SH2D4A: variants seen among roughly 807,000 people sequenced by gnomAD.
The protein encoded by SH2D4A is SH2 domain containing 4A, also known as SH2 domain-containing protein 4A.
A neutral mutation model predicts 64.7 loss-of-function variants in SH2D4A; 70 were observed. That is an observed-to-expected ratio of 1.08 (90% CI 0.89 to 1.32). SH2D4A has a LOEUF of 1.32. Among genes scored for constraint, SH2D4A ranks in the 40% most tolerant of loss-of-function variants. The pLI is 0.00. For missense variants in SH2D4A, 706 were observed against 540.1 expected, an observed-to-expected ratio of 1.31 and a Z score of -3.04; for synonymous variants, 268 against 200.7, an observed-to-expected ratio of 1.34 and a Z score of -2.83.
At position 19,319,597 on chromosome 8, in the gene SH2D4A, C is replaced by A; in HGVS notation, c.50C>A (p.Ala17Glu). The A allele has an allele frequency of 6.2e-7, 1 of 1,603,896 alleles. No individual in the cohort carries two copies. Among genetic ancestry groups the A allele is most frequent in the Non-Finnish European group, 8.5e-7 (1 of 1,175,890 alleles). ...SEMYIDPDLL[A>E]ELSEEQKQIL... Reference sequence around the variant, plus strand: ...ATGTACATAGATCCTGATCTACTGGCAGAGCTCAGCGAAGAACAGAAACAG... The same window carrying A: ...ATGTACATAGATCCTGATCTACTGGAAGAGCTCAGCGAAGAACAGAAACAG... The change falls in exon 2 of 10, where the codon GCA becomes GAA. Residue 17 changes from alanine (A) to glutamate (E), a missense_variant. Physicochemically the swap from Ala to Glu is moderately radical, Grantham distance 107. Transcript: ENST00000265807.
At chr8:19,329,856 C>G (rs543626158) in intron 2 of SH2D4A, among the ~76,000 whole-genome samples, 3 of 152,292 alleles carry the variant, frequency 2.0e-5, no homozygotes, top group African/African-American at 7.2e-5. Context: ...CTTCCCTAGT[C>G]ATGAAACTTT....
chr8:19,368,909 C>G (rs181566527), intron 7 of SH2D4A, among the ~76,000 whole-genome samples: 5 of 152,022 alleles, frequency 3.3e-5, no homozygotes, highest in African/African-American at 9.7e-5. Context: ...TTGTTTTGTT[C>G]CAAGTTTTAA....
At chr8:19,389,567 C>T (rs2053451004) in intron 8 of SH2D4A, among the ~76,000 whole-genome samples, 2 of 152,300 alleles carry the variant, frequency 1.3e-5, no homozygotes, top group South Asian at 2.1e-4. Flanking sequence ...TCTTCAGGGC[C>T]AGACACTGCC....
At chr8:19,334,545 A>G (rs2052413785) in intron 3 of SH2D4A, 141 bp from the exon 4 acceptor site, 1 of 817,756 alleles carries the variant, frequency 1.2e-6, no homozygotes, top group East Asian at 2.7e-5. Context: ...CACACCTAGC[A>G]AAGGGCCCAG....
At chr8:19,345,160 C>T (rs1312195995) in intron 4 of SH2D4A, among the ~76,000 whole-genome samples, 1 of 152,186 alleles carries the variant, frequency 6.6e-6, no homozygotes, top group African/African-American at 2.4e-5. Context: ...TATGCTGCCC[C>T]TGGGACAGAC....
intron 1 of SH2D4A, among the ~76,000 whole-genome samples, chr8:19,315,044 G>C (rs191634440): frequency 2.4e-4 from 36 of 150,408 alleles, no homozygotes; most frequent in African/African-American, 8.6e-4. Context: ...TATTTTATTA[G>C]GTCGGTGCAA....
chr8:19,342,460 T>C (rs1413682808), intron 4 of SH2D4A, among the ~76,000 whole-genome samples: 1 of 152,230 alleles, frequency 6.6e-6, no homozygotes, highest in Admixed American at 6.5e-5. Context: ...TGGATGCTAT[T>C]TGGTGAAACG....
intron 4 of SH2D4A, among the ~76,000 whole-genome samples, chr8:19,337,711 A>C (rs1047009338): frequency 6.6e-6 from 1 of 152,216 alleles, no homozygotes; most frequent in African/African-American, 2.4e-5. Context: ...AGCAGACAAG[A>C]GAGCTTGCGC....
intron 2 of SH2D4A, among the ~76,000 whole-genome samples, chr8:19,324,487 A>C (rs1396685934): frequency 1.3e-5 from 2 of 152,132 alleles, no homozygotes; most frequent in Admixed American, 6.5e-5. Context: ...AACTCACTGC[A>C]TGCAGTAGGG....
At chr8:19,335,050 A>G (rs186339603) in intron 4 of SH2D4A, among the ~76,000 whole-genome samples, 193 bp downstream of exon 4, 10 of 151,990 alleles carry the variant, frequency 6.6e-5, no homozygotes, top group African/African-American at 1.2e-4. Flanking sequence ...TTGGGAGGCC[A>G]AGGCGGGCGG....
chr8:19,353,674 GTTTTTTT>G (rs55989081), intron 4 of SH2D4A, among the ~76,000 whole-genome samples: 1 of 105,176 alleles, frequency 9.5e-6, no homozygotes, highest in South Asian at 3.6e-4. Context: ...GCCTCTAGCT[GTTTTTTT>G]TTTTTTTTTT....
intron 3 of SH2D4A, 122 bp downstream of exon 3, chr8:19,333,236 A>AG (rs59270803): frequency 0.026 from 28,861 of 1,113,392 alleles, 913 homozygotes; most frequent in African/African-American, 0.11. Context: ...GGGTCACAAA[A>AG]GTCACTTTGG....
chr8:19,384,926 A>T (rs768999647), intron 8 of SH2D4A, among the ~76,000 whole-genome samples: 60 of 152,238 alleles, frequency 3.9e-4, no homozygotes, highest in Non-Finnish European at 3.8e-4. Context: ...AAACAAGTTT[A>T]TGATTTAGAC....
At position 19,313,709 on chromosome 8, in the gene SH2D4A, C is replaced by G. The variant is rs1413257121; in HGVS notation, c.-319C>G. 1 of 1,480,840 alleles carries G rather than the reference C, an allele frequency of 6.8e-7. No homozygotes were observed. Among genetic ancestry groups the G allele is most frequent in the Non-Finnish European group, 9.0e-7 (1 of 1,110,756 alleles). The allele number at this position is 1,480,840 out of a possible 1,614,324, so 91.7% of individuals were successfully genotyped here. ...CGGGCCGGAGTATTTGCTCAGCCCGCCTGCGCCGCTTGGGACGCCTCTGCC... is the reference window on the plus strand; with the variant it reads ...CGGGCCGGAGTATTTGCTCAGCCCGGCTGCGCCGCTTGGGACGCCTCTGCC... On this transcript the variant is annotated 5_prime_UTR_variant, in exon 1 of 10. Transcript: ENST00000265807.
At chr8:19,361,169 T>G (rs752626977) in intron 5 of SH2D4A, 34 bp from the exon 6 acceptor site, 22 of 1,346,686 alleles carry the variant, frequency 1.6e-5, no homozygotes, top group Non-Finnish European at 2.2e-5. Context: ...TGTTTTGTTT[T>G]GTTTTTGTTT....
intron 8 of SH2D4A, among the ~76,000 whole-genome samples, chr8:19,389,951 G>T (rs2053461074): frequency 6.6e-6 from 1 of 152,218 alleles, no homozygotes; most frequent in Non-Finnish European, 1.5e-5. Context: ...TCTTTAAGCT[G>T]TGCAGAGAGG....
intron 8 of SH2D4A, among the ~76,000 whole-genome samples, chr8:19,375,971 C>T (rs116003026): frequency 1.3e-5 from 2 of 152,288 alleles, no homozygotes; most frequent in African/African-American, 4.8e-5. Context: ...TCTCAAGCCA[C>T]TGTACCTGCC....
intron 4 of SH2D4A, among the ~76,000 whole-genome samples, chr8:19,339,310 A>ATGTTAATT (rs1406127258): frequency 6.6e-6 from 1 of 152,102 alleles, no homozygotes; most frequent in African/African-American, 2.4e-5. Context: ...ACTGACTCAA[A>ATGTTAATT]TGTTAATTTC....
intron 3 of SH2D4A, among the ~76,000 whole-genome samples, chr8:19,333,644 G>T (rs544849684): frequency 7.9e-5 from 12 of 152,164 alleles, no homozygotes; most frequent in Non-Finnish European, 1.6e-4. Context: ...GAGAAACAGG[G>T]AGCTTCCAGT....
Sources: allele counts gnomAD v4.1 joint callset (sites outside exome capture counted in the v4.1 genomes callset), GRCh38; gene constraint gnomAD v4.1.1; transcripts MANE v1.5; gene names NCBI Gene and HGNC (gene_info 2026-07-23, HGNC 2026-07-21).